Variants in ANO3 observed in about 807,000 individuals in gnomAD.
ANO3 encodes anoctamin 3.
A neutral mutation model predicts 144.8 loss-of-function variants in ANO3; 99 were observed. The ratio of observed to expected loss-of-function variants is 0.68; its 90% confidence interval spans 0.58 to 0.81. The LOEUF (loss-of-function observed/expected upper bound fraction) is 0.81, where lower values mean the gene tolerates loss of function less well. Among genes scored for constraint, ANO3 ranks in the 30% least tolerant of loss-of-function variants. ANO3 has a pLI of 0.00. For missense variants in ANO3, 905 were observed against 1,202.2 expected (o/e 0.75, Z 3.66); for synonymous variants, 414 against 392.6 (o/e 1.05, Z -0.64).
intron 3 of ANO3, among the ~76,000 whole-genome samples, chr11:26,454,764 CA>C (rs1859085561): frequency 6.8e-6 from 1 of 146,064 alleles, no homozygotes; most frequent in South Asian, 2.4e-4. Flanking sequence ...GGCAGAGACA[CA>C]ACAAAAAAAG....
chr11:26,209,584 GGTTGAACT>G (rs111416161), intron 1 of ANO3, among the ~76,000 whole-genome samples: 45,324 of 151,516 alleles, frequency 0.3, 7,307 homozygotes, highest in Non-Finnish European at 0.36. Context: ...CTTCCACAAT[GGTTGAACT>G]AATTTACAAT....
chr11:26,259,454 C>T (rs1011758370), intron 1 of ANO3, among the ~76,000 whole-genome samples: 9 of 151,912 alleles, frequency 5.9e-5, no homozygotes. Context: ...TTGAGACCAT[C>T]CTGGCCAACA....
intron 17 of ANO3, among the ~76,000 whole-genome samples, chr11:26,601,614 C>G (rs914787601): frequency 2.0e-5 from 3 of 152,200 alleles, no homozygotes; most frequent in Non-Finnish European, 4.4e-5. Context: ...GTGCACTGCA[C>G]AAGCATCACA....
chr11:26,414,758 T>TAA (rs971800105), intron 1 of ANO3, among the ~76,000 whole-genome samples: 2 of 139,998 alleles, frequency 1.4e-5, no homozygotes, highest in African/African-American at 2.6e-5. Flanking sequence ...ACAGTAAAGT[T>TAA]AAAAAAAAAA....
chr11:26,274,251 C>T (rs559900166), intron 1 of ANO3, among the ~76,000 whole-genome samples: 13 of 151,906 alleles, frequency 8.6e-5, no homozygotes, highest in Admixed American at 2.0e-4. Context: ...AAAATATTTA[C>T]CAATATACAA....
intron 1 of ANO3, among the ~76,000 whole-genome samples, chr11:26,260,835 T>C (rs1441420668): frequency 6.6e-6 from 1 of 152,146 alleles, no homozygotes; most frequent in African/African-American, 2.4e-5. Context: ...ATTTTCCCTT[T>C]TGTTAAGCCT....
chr11:26,198,855 T>A (rs985903172), intron 1 of ANO3, among the ~76,000 whole-genome samples: 4 of 152,172 alleles, frequency 2.6e-5, no homozygotes, highest in African/African-American at 9.7e-5. Context: ...TCTTAATGTT[T>A]ATGCCTAATT....
chr11:26,638,165 C>T (rs1442733896), intron 20 of ANO3, among the ~76,000 whole-genome samples: 2 of 152,036 alleles, frequency 1.3e-5, no homozygotes, highest in African/African-American at 4.8e-5. Flanking sequence ...CAACACCTCC[C>T]CACCATCTTG....
At chr11:26,284,497 T>C (rs1029187375) in intron 1 of ANO3, among the ~76,000 whole-genome samples, 26 of 152,220 alleles carry the variant, frequency 1.7e-4, no homozygotes, top group African/African-American at 6.3e-4. Context: ...GTACTCATTA[T>C]ATGTATATGA....
intron 1 of ANO3, among the ~76,000 whole-genome samples, chr11:26,350,980 G>T (rs899618930): frequency 1.6e-4 from 25 of 152,096 alleles, no homozygotes; most frequent in Non-Finnish European, 3.7e-4. Flanking sequence ...TGCCTGATAT[G>T]TAGGGAGAAC....
rs184792791 is a variant in ANO3, at chr11:26,392,201, A to G, written c.47-49717A>G. On this transcript the variant is annotated intron_variant, in intron 1 of 26. Coordinates refer to ENST00000256737, the MANE Select transcript of ANO3 (RefSeq NM_031418.4). The stretch of plus-strand genomic sequence containing the variant: ...TTGAGTCACAAGACTGGTTTTCTGA[A>G]CGCTCCTTTGTCTGTGTCGTACATG... Among the ~76,000 whole-genome samples the G allele has an allele frequency of 3.2e-3, 473 of 147,302 alleles. 3 individuals are homozygous for G. Among genetic ancestry groups the G allele is most frequent in the African/African-American group, 8.3e-3 (332 of 40,046 alleles).
Position 26,443,855 on chromosome 11 carries a change from T to G in ANO3, c.313+19T>G. On this transcript the variant is annotated intron_variant, in intron 3 of 26. Coordinates refer to ENST00000256737, the MANE Select transcript of ANO3 (RefSeq NM_031418.4). The stretch of plus-strand genomic sequence containing the variant: ...TGTTTGGGTAAGTTGATAATCAGTA[T>G]TTACCTACTCCTTTCCCTCTCTCCA... 1 of 1,549,066 alleles carries G rather than the reference T, an allele frequency of 6.5e-7. No individual in the cohort carries two copies. Among genetic ancestry groups the G allele is most frequent in the Non-Finnish European group, 8.9e-7 (1 of 1,124,052 alleles).
chr11:26,595,650 T>G (rs752712835), intron 14 of ANO3, among the ~76,000 whole-genome samples: 2 of 152,040 alleles, frequency 1.3e-5, no homozygotes, highest in Non-Finnish European at 2.9e-5. Context: ...GAACCATCTG[T>G]CGTCCTGAAG....
chr11:26,641,901 T>C lies in ANO3; in HGVS notation c.2147T>C (p.Ile716Thr). The C allele has an allele frequency of 6.2e-7, 1 of 1,613,990 alleles. No individual in the cohort carries two copies. The highest frequency in any genetic ancestry group is 8.5e-7 in the Non-Finnish European group (1 of 1,179,950). The change falls in exon 22 of 27, where the codon ATC becomes ACC. Residue 716 changes from isoleucine to threonine, a missense_variant. Physicochemically the swap from Ile to Thr is moderately conservative, Grantham distance 89. This residue lies in a region of ANO3 where 597 missense variants were observed against 865.1 expected (regional missense o/e 0.69). Transcript: ENST00000256737. ...TGGTCTGCTCTGTGATGTAGGTTGA[T>C]CCAGAACTGGTGGTCACGACATAAA... ...NNFMELGYPL[I>T]QNWWSRHKIK...
At chr11:26,452,883 G>A (rs138434315) in intron 3 of ANO3, among the ~76,000 whole-genome samples, 6,619 of 152,222 alleles carry the variant, frequency 0.043, 217 homozygotes, top group African/African-American at 0.084. Context: ...CAGATCTCTC[G>A]GCAGAAACTC....
At chr11:26,282,671 A>G (rs1320508421) in intron 1 of ANO3, among the ~76,000 whole-genome samples, 1 of 152,168 alleles carries the variant, frequency 6.6e-6, no homozygotes, top group Non-Finnish European at 1.5e-5. Flanking sequence ...AAACAAGACT[A>G]TATCTCCAGT....
rs151210243 is a variant in ANO3 at position 26,249,238 on chromosome 11, C to G, written c.154+59908C>G. 7.2e-3 allele frequency among the ~76,000 whole-genome samples: 1,089 copies of G among 152,226 alleles called. 12 individuals carry two copies. The highest frequency in any genetic ancestry group is 0.025 in the African/African-American group (1,030 of 41,532). On this transcript the variant is annotated intron_variant, in intron 1 of 27. Coordinates refer to the ANO3 transcript ENST00000672621. ...AGACCCGCTTAATGTAGACATCCTT[C>G]AGTAACAGTGTATACCAGCAGTGTT... is the stretch of plus-strand genomic sequence containing the variant.
chr11:26,357,418 G>C (rs371404769), intron 1 of ANO3, among the ~76,000 whole-genome samples: 28 of 152,214 alleles, frequency 1.8e-4, no homozygotes, highest in African/African-American at 6.5e-4. Context: ...GTGCACAGTG[G>C]TGGTATCCTA....
chr11:26,485,257 G>A (rs371442693), intron 4 of ANO3, among the ~76,000 whole-genome samples: 25 of 152,214 alleles, frequency 1.6e-4, no homozygotes, highest in African/African-American at 3.4e-4. Flanking sequence ...ATGTTGAATC[G>A]CAATTTCCAG....
Sources: gnomAD v4.1 joint callset for allele counts (sites outside exome capture counted in the v4.1 genomes callset) on GRCh38, gnomAD v4.1.1 for gene constraint, gnomAD v4.1.1 regional missense constraint, MANE v1.5 for transcripts, NCBI Gene and HGNC (gene_info 2026-07-23, HGNC 2026-07-21) for gene names.